SESN1: variants seen among roughly 807,000 people sequenced by gnomAD.
The protein encoded by SESN1 is sestrin 1.
SESN1 carries 30 observed loss-of-function variants against 59.3 expected under a neutral mutation model. That is an observed-to-expected ratio of 0.51 (90% CI 0.38 to 0.69). SESN1 has a LOEUF of 0.69. SESN1 is among the 30% of genes least tolerant of loss of function. The pLI is 0.00. For missense variants in SESN1, 566 were observed against 673.0 expected (o/e 0.84, Z 1.76); for synonymous variants, 197 against 219.9 (o/e 0.90, Z 0.92).
intron 1 of SESN1, among the ~76,000 whole-genome samples, chr6:109,076,256 T>C (rs113199316): frequency 6.9e-4 from 105 of 152,352 alleles, no homozygotes; most frequent in Middle Eastern, 6.8e-3. Context: ...CAAGTACTGC[T>C]GTGCCAATGC....
At chr6:109,053,842 T>A (rs886532928) in intron 1 of SESN1, among the ~76,000 whole-genome samples, 1 of 152,234 alleles carries the variant, frequency 6.6e-6, no homozygotes, top group Non-Finnish European at 1.5e-5. Flanking sequence ...TAAGTATGCA[T>A]ACTTCAGGAA....
chr6:109,078,923 T>A (rs1017978862), intron 1 of SESN1, among the ~76,000 whole-genome samples: 1 of 152,150 alleles, frequency 6.6e-6, no homozygotes, highest in Non-Finnish European at 1.5e-5. Context: ...TTCTGACCAA[T>A]TAAAATAATA....
intron 1 of SESN1, among the ~76,000 whole-genome samples, chr6:109,081,497 T>C (rs961213957): frequency 2.0e-5 from 3 of 152,170 alleles, no homozygotes; most frequent in African/African-American, 7.2e-5. Flanking sequence ...ACTCATACAA[T>C]GTTGGGAAGG....
At position 108,989,872 on chromosome 6, in the gene SESN1, G is replaced by C. The variant is rs146888940; in HGVS notation, c.1424+773C>G. On this transcript the variant is annotated intron_variant, in intron 8 of 9. Coordinates refer to ENST00000436639, the MANE Select transcript of SESN1 (RefSeq NM_014454.3). ...TCTCCTATTGAGTTTTCAGTGGAAA[G>C]GGGACAAAGGTCTTGCAAAGCTGGT... Among the ~76,000 whole-genome samples, 906 of 152,226 alleles carry C rather than the reference G, an allele frequency of 6.0e-3. 14 individuals are homozygous for C. Among genetic ancestry groups the C allele is most frequent in the African/African-American group, 0.021 (863 of 41,540 alleles).
At chr6:109,013,945 T>C (rs1779896934) in intron 1 of SESN1, among the ~76,000 whole-genome samples, 1 of 152,186 alleles carries the variant, frequency 6.6e-6, no homozygotes, top group African/African-American at 2.4e-5. Flanking sequence ...ACATCATGTT[T>C]TGGGTACATT....
At position 109,055,144 on chromosome 6, in the gene SESN1, C is replaced by G. The variant is rs545032561; in HGVS notation, c.279+38651G>C. Among the ~76,000 whole-genome samples the G allele has an allele frequency of 3.9e-5, 6 of 152,276 alleles. No individual in the cohort carries two copies. The South Asian group carries it at 1.2e-3, about 32-fold the overall frequency. On this transcript the variant is annotated intron_variant, in intron 1 of 9. Transcript: ENST00000436639. ...GCTGTGTGCTTCTCCTTCCTGAAGACAGAATCCTCTTTTAACCTGGTCCCT... is the reference window on the plus strand; with the variant it reads ...GCTGTGTGCTTCTCCTTCCTGAAGAGAGAATCCTCTTTTAACCTGGTCCCT...
At chr6:109,084,778 C>A (rs1781184433) in intron 1 of SESN1, among the ~76,000 whole-genome samples, 1 of 151,894 alleles carries the variant, frequency 6.6e-6, no homozygotes, top group African/African-American at 2.4e-5. Flanking sequence ...TATCAGATTT[C>A]TTTATATAAA....
At chr6:109,064,678 G>T (rs1780792144) in intron 1 of SESN1, among the ~76,000 whole-genome samples, 1 of 70,608 alleles carries the variant, frequency 1.4e-5, no homozygotes, top group Non-Finnish European at 2.9e-5. Context: ...GAAAGACCGA[G>T]AGTGGGTGGG....
chr6:108,996,191 C>G (rs6918331), intron 5 of SESN1, among the ~76,000 whole-genome samples: 16,934 of 152,134 alleles, frequency 0.11, 1,032 homozygotes, highest in Middle Eastern at 0.19. Flanking sequence ...GAGAATGACT[C>G]TCAGGATAAT....
intron 1 of SESN1, among the ~76,000 whole-genome samples, chr6:109,031,530 G>A (rs1003789509): frequency 1.1e-4 from 16 of 152,028 alleles, no homozygotes; most frequent in African/African-American, 3.9e-4. Context: ...CTCATCTTCA[G>A]CCTAAAGTTA....
chr6:109,025,630 C>CT (rs1780079673), intron 1 of SESN1, among the ~76,000 whole-genome samples: 1 of 150,118 alleles, frequency 6.7e-6, no homozygotes, highest in Admixed American at 6.7e-5. Flanking sequence ...AAACAGGAAA[C>CT]TATCAAAAAA....
chr6:109,021,041 C>T (rs1212573159), intron 1 of SESN1, among the ~76,000 whole-genome samples: 1 of 152,104 alleles, frequency 6.6e-6, no homozygotes, highest in African/African-American at 2.4e-5. Context: ...CTCTGTTACC[C>T]AGGCAGTAAT....
In SESN1 at chr6:109,093,816, C is replaced by T. The variant is rs1583305568; in HGVS notation, c.258G>A (p.Glu86=). ...TTACCTGGATGCTCTTCAGAATAAA[C>T]TCACTTTTCTCTCTCACATCTTTGA... ...CPFKDVREKS[E]FILKSIQELG... The change falls in exon 1 of 10, where the codon GAG becomes GAA. Residue 86 remains glutamate, a synonymous_variant. Coordinates refer to ENST00000436639, the MANE Select transcript of SESN1 (RefSeq NM_014454.3). 2 of 1,613,962 alleles carry T rather than the reference C, an allele frequency of 1.2e-6. No homozygotes were observed. The highest frequency in any genetic ancestry group is 1.7e-6 in the Non-Finnish European group (2 of 1,179,890).
chr6:108,984,605 C>G lies in SESN1; in HGVS notation c.*2939G>C, dbSNP rs954741067. On this transcript the variant is annotated 3_prime_UTR_variant, in exon 10 of 10. Transcript: ENST00000436639. ...CAACATACAAATGTAGGGGAAGACA[C>G]AAACATTCAGCCATCACATATCCCC... Among the ~76,000 whole-genome samples, 13 of 152,308 alleles carry G rather than the reference C, an allele frequency of 8.5e-5. No homozygotes were observed. Among genetic ancestry groups the G allele is most frequent in the Middle Eastern group, 3.4e-3 (1 of 292 alleles).
At chr6:109,077,692 G>A (rs1163954097) in intron 1 of SESN1, among the ~76,000 whole-genome samples, 2 of 152,166 alleles carry the variant, frequency 1.3e-5, no homozygotes, top group Non-Finnish European at 2.9e-5. Context: ...TCTTCTCAAT[G>A]AGAATGCCTA....
At chr6:109,068,305 A>C (rs1364450) in intron 1 of SESN1, among the ~76,000 whole-genome samples, 30,334 of 152,166 alleles carry the variant, frequency 0.2, 3,764 homozygotes, top group African/African-American at 0.34. Flanking sequence ...AATTGATATC[A>C]TCAGAGAATA....
chr6:109,085,029 A>T (rs1781189453), intron 1 of SESN1, among the ~76,000 whole-genome samples: 1 of 151,116 alleles, frequency 6.6e-6, no homozygotes. Context: ...CGCACTTTTA[A>T]AAAAACAAGC....
intron 1 of SESN1, chr6:109,008,815 G>A: frequency 4.1e-6 from 4 of 985,496 alleles, no homozygotes; most frequent in African/African-American, 1.7e-5. Context: ...TGTGCATAAC[G>A]TCATAGAGCT....
At chr6:109,082,270 A>G (rs1781133945) in intron 1 of SESN1, among the ~76,000 whole-genome samples, 1 of 152,132 alleles carries the variant, frequency 6.6e-6, no homozygotes, top group South Asian at 2.1e-4. Flanking sequence ...CTAAGGGCAT[A>G]TAGTGCTAGA....
Sources: gnomAD v4.1 joint callset for allele counts (sites outside exome capture counted in the v4.1 genomes callset) on GRCh38, gnomAD v4.1.1 for gene constraint, MANE v1.5 for transcripts, NCBI Gene and HGNC (gene_info 2026-07-23, HGNC 2026-07-21) for gene names.